The following RBFOX3 variants were observed in gnomAD, a reference collection of about 807,000 sequenced individuals.
RBFOX3 encodes RNA binding protein fox-1 homolog 3.
Under a neutral mutation model 48.7 loss-of-function variants are expected in RBFOX3, and 17 were observed. The ratio of observed to expected loss-of-function variants is 0.35; its 90% CI spans 0.24 to 0.52. The LOEUF (loss-of-function observed/expected upper bound fraction) is 0.52. Ranked by LOEUF, RBFOX3 falls within the 20% of genes least tolerant of loss-of-function variation. The probability of loss-of-function intolerance (pLI) is 0.94; values close to 1 mark genes in which losing one functional copy is unlikely to be tolerated. For synonymous variants in RBFOX3, 212 were observed against 209.5 expected (o/e 1.01, Z -0.10); for missense variants, 382 against 497.5 (o/e 0.77, Z 2.21).
chr17:79,092,778 G>A (rs1364991472), intron 14 of RBFOX3: 1 of 385,602 alleles, frequency 2.6e-6, no homozygotes, highest in Non-Finnish European at 3.6e-6. Context: ...ATTCCTTGGG[G>A]AGAAAGGAGT....
intron 1 of RBFOX3, among the ~76,000 whole-genome samples, chr17:79,546,628 T>C (rs1231519956): frequency 6.6e-6 from 1 of 150,618 alleles, no homozygotes; most frequent in Non-Finnish European, 1.5e-5. Context: ...TTCCCTCCCA[T>C]TCCCATCCGC....
intron 3 of RBFOX3, among the ~76,000 whole-genome samples, chr17:79,253,562 T>C (rs560174788): frequency 5.4e-4 from 83 of 152,300 alleles, no homozygotes; most frequent in African/African-American, 1.9e-3. Context: ...GGAAGATATA[T>C]ATTTTTAAAG....
At chr17:79,376,735 G>A (rs1227681814) in intron 2 of RBFOX3, among the ~76,000 whole-genome samples, 1 of 152,188 alleles carries the variant, frequency 6.6e-6, no homozygotes, top group African/African-American at 2.4e-5. Flanking sequence ...TGAGGACCTT[G>A]TTTTCAGCAG....
At chr17:79,558,401 G>A (rs1037010898) in intron 1 of RBFOX3, among the ~76,000 whole-genome samples, 7 of 152,244 alleles carry the variant, frequency 4.6e-5, no homozygotes, top group Non-Finnish European at 1.0e-4. Context: ...GGAACCGTCC[G>A]GAGGGTCCAG....
intron 2 of RBFOX3, among the ~76,000 whole-genome samples, chr17:79,438,360 C>A (rs2070045909): frequency 6.6e-6 from 1 of 152,214 alleles, no homozygotes; most frequent in African/African-American, 2.4e-5. Flanking sequence ...TAAAACCCAC[C>A]CTGTTTTTCA....
intron 2 of RBFOX3, among the ~76,000 whole-genome samples, chr17:79,360,368 A>T (rs2086082897): frequency 6.6e-6 from 1 of 152,110 alleles, no homozygotes; most frequent in African/African-American, 2.4e-5. Context: ...CCAGCTGGGC[A>T]CGCTCATCAG....
At chr17:79,490,810 TG>T (rs1320276109) in intron 1 of RBFOX3, among the ~76,000 whole-genome samples, 1 of 150,712 alleles carries the variant, frequency 6.6e-6, no homozygotes, top group Non-Finnish European at 1.5e-5. Context: ...TCTAGAAGGT[TG>T]GGGCCTTATT....
the RBFOX3 span, among the ~76,000 whole-genome samples, chr17:79,623,324 A>G: frequency 7.6e-3 from 1,159 of 152,284 alleles, 55 homozygotes; most frequent in East Asian, 0.15. Flanking sequence ...AGTTTGAGAT[A>G]CCCCACAGGA....
At chr17:79,509,977 C>T (rs1362799935) in intron 1 of RBFOX3, among the ~76,000 whole-genome samples, 1 of 152,250 alleles carries the variant, frequency 6.6e-6, no homozygotes, top group Non-Finnish European at 1.5e-5. Context: ...CTAATATGCA[C>T]ATATTACCTT....
At chr17:79,295,297 C>T (rs2074152211) in intron 3 of RBFOX3, among the ~76,000 whole-genome samples, 1 of 152,230 alleles carries the variant, frequency 6.6e-6, no homozygotes, top group South Asian at 2.1e-4. Context: ...TTTCCATACC[C>T]TGGCAATTGG....
At chr17:79,376,181 G>A (rs368923543) in intron 2 of RBFOX3, among the ~76,000 whole-genome samples, 11 of 152,158 alleles carry the variant, frequency 7.2e-5, no homozygotes, top group Admixed American at 3.9e-4. Context: ...GCCCCTGGGC[G>A]AGGAGACTGC....
intron 1 of RBFOX3, among the ~76,000 whole-genome samples, chr17:79,609,932 C>G (rs1026073349): frequency 3.3e-5 from 5 of 151,972 alleles, no homozygotes; most frequent in South Asian, 2.1e-4. Flanking sequence ...CCCGGGGCCA[C>G]CAGGGCAGAA....
chr17:79,132,510 C>G (rs905119243), intron 4 of RBFOX3, among the ~76,000 whole-genome samples: 3 of 152,150 alleles, frequency 2.0e-5, no homozygotes, highest in Admixed American at 2.0e-4. Context: ...CCCTCGGAGC[C>G]AACAGGAAAC....
At position 79,301,472 on chromosome 17, in the gene RBFOX3, G is replaced by A. The variant is rs373609568; in HGVS notation, c.-74+6252C>T. On this transcript the variant is annotated intron_variant, in intron 3 of 14. Coordinates refer to ENST00000693108, the MANE Select transcript of RBFOX3 (RefSeq NM_001350451.2). ...AGAGGTGTACTCCAAACATTCTGGC[G>A]CTCAGAGTCGCCCTGACAAGGCTCC... 2.5e-4 allele frequency among the ~76,000 whole-genome samples: 38 copies of A among 152,334 alleles called. No homozygotes were observed. The East Asian group carries it at 3.3e-3, about 13-fold the overall frequency.
intron 4 of RBFOX3, among the ~76,000 whole-genome samples, chr17:79,194,233 G>A (rs1435941246): frequency 3.9e-5 from 6 of 152,182 alleles, no homozygotes; most frequent in African/African-American, 1.4e-4. Flanking sequence ...GGCCTTAGTG[G>A]CTGAGAGGTG....
intron 2 of RBFOX3, among the ~76,000 whole-genome samples, chr17:79,463,736 GCCATCA>G (rs1166040631): frequency 2.1e-4 from 26 of 122,954 alleles, no homozygotes; most frequent in Admixed American, 6.7e-4. Context: ...CACCTCCACC[GCCATCA>G]CCACTGCCAC....
At chr17:79,213,385 C>T (rs1391366018) in intron 4 of RBFOX3, among the ~76,000 whole-genome samples, 2 of 152,206 alleles carry the variant, frequency 1.3e-5, no homozygotes, top group Non-Finnish European at 2.9e-5. Context: ...CACCAGCAGT[C>T]CAGGCCTCGC....
chr17:79,641,183 C>A, the RBFOX3 span, among the ~76,000 whole-genome samples: 10 of 152,066 alleles, frequency 6.6e-5, no homozygotes, highest in Non-Finnish European at 1.3e-4. Flanking sequence ...ATACAAATGG[C>A]CAATAGGTAT....
chr17:79,317,002 ACAG>A (rs758646656), intron 2 of RBFOX3, among the ~76,000 whole-genome samples: 1 of 152,166 alleles, frequency 6.6e-6, no homozygotes, highest in Non-Finnish European at 1.5e-5. Flanking sequence ...ACGCACACAC[ACAG>A]ATGTGCACGG....
Sources: allele counts gnomAD v4.1 joint callset (sites outside exome capture counted in the v4.1 genomes callset), GRCh38; gene constraint gnomAD v4.1.1; transcripts MANE v1.5; gene names NCBI Gene and HGNC (gene_info 2026-07-23, HGNC 2026-07-21).